Variants in LILRA4 observed in about 807,000 individuals in gnomAD.
The protein encoded by LILRA4 is leukocyte immunoglobulin like receptor A4.
A neutral mutation model predicts 49.5 loss-of-function variants in LILRA4; 51 were observed. The ratio of observed to expected loss-of-function variants is 1.03; its 90% CI spans 0.82 to 1.30. LILRA4 has a LOEUF of 1.30. LILRA4 is among the 50% of genes most tolerant of loss of function. LILRA4 has a pLI of 0.00. For synonymous variants in LILRA4, 272 were observed against 265.6 expected (o/e 1.02, Z -0.23); for missense variants, 624 against 625.6 (o/e 1.00, Z 0.03).
Position 54,333,646 on chromosome 19 carries a change from T to G in LILRA4, c.1426A>C (p.Arg476=), listed in dbSNP as rs373811313. Residue 476 remains arginine, a synonymous_variant, in exon 8 of 8, where the codon AGG becomes CGG. Coordinates refer to ENST00000291759, the MANE Select transcript of LILRA4 (RefSeq NM_012276.5). Reference sequence around the variant, plus strand: ...CTGCTGTTTGCCTCCTGGCTGCACCTTGGGGGGCTTCTCTGGCTGTGCTGA... The same window carrying G: ...CTGCTGTTTGCCTCCTGGCTGCACCGTGGGGGGCTTCTCTGGCTGTGCTGA... ...EAQHSQRSPP[R]CSQEANSRKD... is the part of the protein sequence containing the mutation. 1.2e-6 allele frequency: 2 copies of G among 1,614,022 alleles called. No individual in the cohort carries two copies. Among genetic ancestry groups the G allele is most frequent in the East Asian group, 2.2e-5 (1 of 44,886 alleles).
intron 4 of LILRA4, 50 bp from the exon 5 acceptor site, chr19:54,337,746 C>G: frequency 6.4e-7 from 1 of 1,570,138 alleles, no homozygotes; most frequent in Non-Finnish European, 8.6e-7. Context: ...CCTCCTGCGC[C>G]CCTTCCTTCT....
At position 54,337,422 on chromosome 19, in the gene LILRA4, G is replaced by A. The variant is rs1414715907; in HGVS notation, c.930C>T (p.Asp310=). ...NVSSEWSAPS[D]PLDILIAGQI... Reference sequence around the variant, plus strand: ...CACCTGCGATCAGGATATCCAGGGGGTCACTGGGGGCCGACCACTCGGAGG... The same window carrying A: ...CACCTGCGATCAGGATATCCAGGGGATCACTGGGGGCCGACCACTCGGAGG... Residue 310 remains aspartate (D), a synonymous_variant, in exon 5 of 8, where the codon GAC becomes GAT. Coordinates refer to ENST00000291759, the MANE Select transcript of LILRA4 (RefSeq NM_012276.5). 16 of 1,611,658 alleles carry A rather than the reference G, an allele frequency of 9.9e-6. No individual in the cohort carries two copies. In the South Asian group the frequency reaches 1.5e-4, roughly 15 times the overall value.
At chr19:54,338,815 C>T (rs1194779358) in intron 2 of LILRA4, 51 bp downstream of exon 2, 1 of 1,612,476 alleles carries the variant, frequency 6.2e-7, no homozygotes, top group East Asian at 2.2e-5. Context: ...AGGGGTGGTC[C>T]CTTGTCCCCA....
intron 6 of LILRA4, 88 bp from the exon 7 acceptor site, chr19:54,334,053 G>A: frequency 9.2e-7 from 1 of 1,090,242 alleles, no homozygotes; most frequent in Admixed American, 1.8e-5. Flanking sequence ...ACCTCTCATG[G>A]TGTGACTTTA....
At chr19:54,337,171 C>T (rs1419302371) in intron 5 of LILRA4, 28 bp from the exon 6 acceptor site, 11 of 1,592,034 alleles carry the variant, frequency 6.9e-6, no homozygotes, top group African/African-American at 1.3e-5. Context: ...GGGTGAGGGG[C>T]TGCCCCACCT....
chr19:54,339,013 G>GA, intron 1 of LILRA4, 47 bp downstream of exon 1: 1 of 1,612,930 alleles, frequency 6.2e-7, no homozygotes, highest in Non-Finnish European at 8.5e-7. Flanking sequence ...ATGGATTGGG[G>GA]TCTCTCTCCT....
Position 54,336,933 on chromosome 19 carries a change from G to A in LILRA4, c.1163C>T (p.Ala388Val). 1.2e-6 allele frequency: 2 copies of A among 1,614,220 alleles called. No homozygotes were observed. The highest frequency in any genetic ancestry group is 2.2e-5 in the East Asian group (1 of 44,880). The change falls in exon 6 of 8, where the codon GCC (alanine) becomes GTC (valine). Residue 388 changes from alanine to valine, a missense_variant. Transcript: ENST00000291759. ...GTAGCACCTGTAGGTCCCCGCGTGG[G>A]CTGAGGTCACAGGACTCATGGGGAA... ...AEFPMSPVTSAHAGTYRCYGS... is the reference protein window; with the variant it reads ...AEFPMSPVTSVHAGTYRCYGS...
In LILRA4 at chr19:54,338,612, T is replaced by G; in HGVS notation, c.139A>C (p.Ile47Leu). The change falls in exon 3 of 8, where the codon ATC becomes CTC. Residue 47 changes from isoleucine to leucine, a missense_variant. Physicochemically the swap from Ile to Leu is conservative, Grantham distance 5 (BLOSUM62 2). Coordinates refer to ENST00000291759, the MANE Select transcript of LILRA4 (RefSeq NM_012276.5). ...PVITWHNPVT[I>L]WCQGTLEAQG... ...GCCTCCAGGGTGCCCTGACACCAGA[T>G]GGTCACGGGGTTATGCCAGGTGATC... 6.2e-7 allele frequency: 1 copy of G among 1,614,086 alleles called. No individual in the cohort carries two copies. The highest frequency in any genetic ancestry group is 8.5e-7 in the Non-Finnish European group (1 of 1,179,974).
chr19:54,338,848 A>G lies in LILRA4; in HGVS notation c.70+18T>C, dbSNP rs776583344. ...CCAGAGAGGAGGAGGGACCTAGGAC[A>G]GCTGGGGACAGACTCACCTGCCTGC... On this transcript the variant is annotated intron_variant, in intron 2 of 7. Transcript: ENST00000291759. 3 of 1,614,038 alleles carry G rather than the reference A, an allele frequency of 1.9e-6. No homozygotes were observed. The highest frequency in any genetic ancestry group is 2.5e-6 in the Non-Finnish European group (3 of 1,179,978).
At chr19:54,335,233 G>A (rs1025109322) in intron 6 of LILRA4, 3 of 152,162 alleles carry the variant, frequency 2.0e-5, no homozygotes, top group Non-Finnish European at 4.4e-5. Flanking sequence ...GAGAGGCCCA[G>A]TGGGAGGTGA....
chr19:54,336,815 A>G, intron 6 of LILRA4, 26 bp downstream of exon 6: 2 of 1,612,710 alleles, frequency 1.2e-6, no homozygotes, highest in Admixed American at 3.4e-5. Context: ...CTTTGAGCTC[A>G]GAGTGGACAG....
rs1236556317 is a variant in LILRA4, at chr19:54,339,072, G to T, written c.22C>A (p.Leu8Met). 1 of 1,614,112 alleles carries T rather than the reference G, an allele frequency of 6.2e-7. No homozygotes were observed. The highest frequency in any genetic ancestry group is 8.5e-7 in the Non-Finnish European group (1 of 1,180,048). MTLILTS[L>M]LFFGLSLGPR... ...CTTAAGATCTCACCAAAGAAGAGCAGGCTTGTGAGAATGAGGGTCATGGCA... is the reference window on the plus strand; with the variant it reads ...CTTAAGATCTCACCAAAGAAGAGCATGCTTGTGAGAATGAGGGTCATGGCA... Residue 8 changes from leucine to methionine, a missense_variant, in exon 1 of 8, where the codon CTG becomes ATG. Leu to Met is a conservative substitution (Grantham distance 15). Transcript: ENST00000291759.
rs2081350706 is a variant in LILRA4, at chr19:54,338,036, CA to C, written c.554del (p.Leu185ArgfsTer43). ...TGAATGTACCCCTGTTGCTGAAGGT[CA>C]GGGGGCCCATGGGGAACAGGGCCTG... is the stretch of plus-strand genomic sequence containing the variant. ...KFQALFPMGP[L>X]TFSNRGTFRC... On this transcript the variant is annotated frameshift_variant, in exon 4 of 8. Transcript: ENST00000291759. LOFTEE classifies it high-confidence loss of function. The C allele has an allele frequency of 6.2e-7, 1 of 1,613,930 alleles. No individual in the cohort carries two copies. The highest frequency in any genetic ancestry group is 1.1e-5 in the South Asian group (1 of 91,084).
In LILRA4 at chr19:54,337,608, GAC is replaced by G. The variant is rs2081343156; in HGVS notation, c.742_743del (p.Val248ArgfsTer62). On this transcript the variant is annotated frameshift_variant, in exon 5 of 8. Transcript: ENST00000291759. LOFTEE classifies it high-confidence loss of function. ...ENLTLQCGSD[V>X]GYIRYTLYKE... ...TGTACAGAGTGTATCTGATGTAGCCGACATCAGAGCCACACTGGAGGGTCAGA... is the reference window on the plus strand; with the variant it reads ...TGTACAGAGTGTATCTGATGTAGCCGATCAGAGCCACACTGGAGGGTCAGA... The G allele has an allele frequency of 6.2e-7, 1 of 1,613,680 alleles. No homozygotes were observed. The highest frequency in any genetic ancestry group is 2.2e-5 in the East Asian group (1 of 44,876).
At chr19:54,334,039 C>T in intron 6 of LILRA4, 74 bp from the exon 7 acceptor site, 1 of 1,196,744 alleles carries the variant, frequency 8.4e-7, no homozygotes, top group Non-Finnish European at 1.2e-6. Flanking sequence ...TCTTATATTC[C>T]TCCACCTCTC....
chr19:54,333,495 C>T lies in LILRA4; in HGVS notation c.*77G>A, dbSNP rs2081292099. The T allele has an allele frequency of 7.0e-7, 1 of 1,420,278 alleles. No individual in the cohort carries two copies. Among genetic ancestry groups the T allele is most frequent in the African/African-American group, 1.4e-5 (1 of 70,242 alleles). The allele number at this position is 1,420,278 out of a possible 1,614,324, so 88.0% of individuals were successfully genotyped here. A position where few individuals can be genotyped will look rare whatever the true frequency, so the allele number is the denominator to read the frequency against. ...CCCAGACATCTTCCTGCACCTGACC[C>T]ATGCTTCTTCCCCTTGATATTCTCA... On this transcript the variant is annotated 3_prime_UTR_variant, in exon 8 of 8. Coordinates refer to ENST00000291759, the MANE Select transcript of LILRA4 (RefSeq NM_012276.5).
chr19:54,333,415 C>T lies in LILRA4; in HGVS notation c.*157G>A, dbSNP rs973433120. ...GAAGGAAGGGGCAGTCAAGGAGAGT[C>T]GACAATGAGGAGGAAAGCACCACAG... is the stretch of plus-strand genomic sequence containing the variant. On this transcript the variant is annotated 3_prime_UTR_variant, in exon 8 of 8. Coordinates refer to ENST00000291759, the MANE Select transcript of LILRA4 (RefSeq NM_012276.5). 2.7e-5 allele frequency: 19 copies of T among 711,010 alleles called. No individual in the cohort carries two copies. Among genetic ancestry groups the T allele is most frequent in the African/African-American group, 9.0e-5 (5 of 55,708 alleles). The allele number at this position is 711,010 out of a possible 1,614,324, so 44.0% of individuals were successfully genotyped here.
intron 2 of LILRA4, 58 bp downstream of exon 2, chr19:54,338,808 G>A (rs1293098825): frequency 6.2e-7 from 1 of 1,610,236 alleles, no homozygotes; most frequent in East Asian, 2.2e-5. Flanking sequence ...GCTGCCCAGG[G>A]GTGGTCCCTT....
At chr19:54,337,255 C>G in intron 5 of LILRA4, 112 bp from the exon 6 acceptor site, 2 of 1,285,640 alleles carry the variant, frequency 1.6e-6, no homozygotes, top group South Asian at 1.5e-5. Context: ...TCTGAGTCTC[C>G]CCCTCCCCGC....
Sources: gnomAD v4.1 joint callset for allele counts on GRCh38, gnomAD v4.1.1 for gene constraint, MANE v1.5 for transcripts, NCBI Gene and HGNC (gene_info 2026-07-23, HGNC 2026-07-21) for gene names.